Variants in OSTF1 observed in about 807,000 individuals in gnomAD.
OSTF1 encodes osteoclast stimulating factor 1, also known as osteoclast-stimulating factor 1.
A neutral mutation model predicts 37.2 loss-of-function variants in OSTF1; 27 were observed. The ratio of observed to expected loss-of-function variants is 0.73; its 90% CI spans 0.54 to 1.00. The LOEUF is 1.00. Among genes scored for constraint, OSTF1 ranks in the 50% least tolerant of loss-of-function variants. The pLI is 0.00. For missense variants in OSTF1, 232 were observed against 253.8 expected (o/e 0.91, Z 0.58); for synonymous variants, 82 against 89.2 (o/e 0.92, Z 0.46).
intron 8 of OSTF1, among the ~76,000 whole-genome samples, chr9:75,138,548 G>A (rs761596043): frequency 7.8e-4 from 119 of 152,076 alleles, no homozygotes; most frequent in Non-Finnish European, 4.6e-4. Flanking sequence ...GAAACAAAAA[G>A]TAAAACATCA....
intron 7 of OSTF1, among the ~76,000 whole-genome samples, chr9:75,137,279 C>T (rs1193038028): frequency 6.6e-6 from 1 of 152,160 alleles, no homozygotes. Context: ...CTGGATCTCC[C>T]TCCGCAGGCA....
At chr9:75,102,173 C>A (rs1036827001) in intron 1 of OSTF1, among the ~76,000 whole-genome samples, 1 of 152,138 alleles carries the variant, frequency 6.6e-6, no homozygotes, top group African/African-American at 2.4e-5. Flanking sequence ...TGGGGTCTCG[C>A]TCTGTTGCCC....
chr9:75,119,966 A>T (rs915275068), intron 2 of OSTF1, among the ~76,000 whole-genome samples: 10 of 109,460 alleles, frequency 9.1e-5, no homozygotes, highest in African/African-American at 3.4e-4. Context: ...CCGTCTTAAT[A>T]AAAAAAAAAA....
intron 1 of OSTF1, among the ~76,000 whole-genome samples, chr9:75,113,186 A>G (rs1455518092): frequency 6.6e-6 from 1 of 152,108 alleles, no homozygotes; most frequent in East Asian, 1.9e-4. Context: ...TAGAAGAATG[A>G]TTCCTCCTCC....
chr9:75,132,632 T>G lies in OSTF1; in HGVS notation c.251-662T>G, dbSNP rs946370058. On this transcript the variant is annotated intron_variant, in intron 5 of 9. Transcript: ENST00000346234. Reference sequence around the variant, plus strand: ...GAGTTTTTGTAAAGCCTCAATGAGCTCCATTTCATTCCATTTTTAGATTTT... The same window carrying G: ...GAGTTTTTGTAAAGCCTCAATGAGCGCCATTTCATTCCATTTTTAGATTTT... Among the ~76,000 whole-genome samples, 3 of 152,156 alleles carry G rather than the reference T, an allele frequency of 2.0e-5. No individual in the cohort carries two copies. In the East Asian group the frequency reaches 5.8e-4, roughly 29 times the overall value.
chr9:75,111,143 G>T (rs954574268), intron 1 of OSTF1, among the ~76,000 whole-genome samples: 1 of 152,142 alleles, frequency 6.6e-6, no homozygotes, highest in East Asian at 1.9e-4. Context: ...CCGCCTAAGT[G>T]CTGTTTCAGG....
chr9:75,113,169 AG>A (rs1409782876), intron 1 of OSTF1, among the ~76,000 whole-genome samples: 1 of 152,100 alleles, frequency 6.6e-6, no homozygotes, highest in Admixed American at 6.6e-5. Context: ...TTCTATATTA[AG>A]ATGTTTAGAA....
At chr9:75,122,950 A>G (rs537212151) in intron 2 of OSTF1, among the ~76,000 whole-genome samples, 4 of 152,226 alleles carry the variant, frequency 2.6e-5, no homozygotes, top group Non-Finnish European at 5.9e-5. Context: ...CATAAAATAT[A>G]TTTGCATAAA....
chr9:75,115,102 TATATC>T (rs1194633585), intron 1 of OSTF1, among the ~76,000 whole-genome samples: 2 of 152,220 alleles, frequency 1.3e-5, no homozygotes, highest in South Asian at 2.1e-4. Flanking sequence ...TCTATGGTGT[TATATC>T]ATAAAACATG....
chr9:75,095,533 C>A (rs1294414559), intron 1 of OSTF1, among the ~76,000 whole-genome samples: 4 of 152,124 alleles, frequency 2.6e-5, no homozygotes, highest in African/African-American at 9.7e-5. Context: ...GGGGAAAAGT[C>A]ATTTGATTCA....
In OSTF1 at chr9:75,146,806, G is replaced by A; in HGVS notation, c.*65G>A. On this transcript the variant is annotated 3_prime_UTR_variant, in exon 10 of 10. Transcript: ENST00000346234. The stretch of plus-strand genomic sequence containing the variant: ...TTTGCCATTCCAAAACTTTGTCTTT[G>A]CCAGAAAAGTGTTGGTAACTATAAA... The A allele has an allele frequency of 1.6e-6, 2 of 1,216,916 alleles. No homozygotes were observed. Among genetic ancestry groups the A allele is most frequent in the Non-Finnish European group, 2.4e-6 (2 of 837,894 alleles). 75.4% of individuals were successfully genotyped at this position (1,216,916 alleles called of 1,614,324 possible).
chr9:75,124,728 A>T (rs1825635127), intron 2 of OSTF1, among the ~76,000 whole-genome samples: 2 of 152,120 alleles, frequency 1.3e-5, no homozygotes, highest in African/African-American at 2.4e-5. Flanking sequence ...AAGACTCATT[A>T]CCATGCTTGT....
At chr9:75,104,630 C>T (rs1432297447) in intron 1 of OSTF1, among the ~76,000 whole-genome samples, 1 of 152,052 alleles carries the variant, frequency 6.6e-6, no homozygotes, top group Non-Finnish European at 1.5e-5. Flanking sequence ...GTGAGGATTT[C>T]GATAATACTC....
chr9:75,146,815 G>A lies in OSTF1; in HGVS notation c.*74G>A, dbSNP rs536373616. ...CCAAAACTTTGTCTTTGCCAGAAAA[G>A]TGTTGGTAACTATAAAGAAAATTAT... On this transcript the variant is annotated 3_prime_UTR_variant, in exon 10 of 10. Transcript: ENST00000346234. 3.6e-6 allele frequency: 4 copies of A among 1,106,104 alleles called. No homozygotes were observed. The highest frequency in any genetic ancestry group is 5.4e-6 in the Non-Finnish European group (4 of 739,388). 68.5% of individuals were successfully genotyped at this position (1,106,104 alleles called of 1,614,324 possible). A position where few individuals can be genotyped will look rare whatever the true frequency, so the allele number is the denominator to read the frequency against.
intron 2 of OSTF1, among the ~76,000 whole-genome samples, chr9:75,121,800 T>G (rs1437251834): frequency 6.6e-6 from 1 of 152,158 alleles, no homozygotes; most frequent in Non-Finnish European, 1.5e-5. Context: ...TGACCTGGCC[T>G]CCTCGAAATC....
chr9:75,140,539 T>C (rs768068802), intron 8 of OSTF1, among the ~76,000 whole-genome samples: 1 of 152,206 alleles, frequency 6.6e-6, no homozygotes, highest in African/African-American at 2.4e-5. Context: ...AAAGGGCTCA[T>C]TGAAGTCAAG....
chr9:75,127,721 G>A (rs1825683627), intron 3 of OSTF1, 102 bp downstream of exon 3: 10 of 623,604 alleles, frequency 1.6e-5, no homozygotes, highest in Non-Finnish European at 2.8e-5. Context: ...AAATACATAT[G>A]TACAAGTCTG....
chr9:75,106,747 A>T (rs1192938756), intron 1 of OSTF1, among the ~76,000 whole-genome samples: 1 of 151,002 alleles, frequency 6.6e-6, no homozygotes, highest in Non-Finnish European at 1.5e-5. Context: ...CAAGGTCAAG[A>T]GATCAAGACC....
At chr9:75,137,707 T>C (rs1007704201) in intron 8 of OSTF1, 91 bp downstream of exon 8, 1 of 794,750 alleles carries the variant, frequency 1.3e-6, no homozygotes, top group African/African-American at 1.7e-5. Flanking sequence ...GGAAGAATAA[T>C]AGTCTTATTT....
Sources: gnomAD v4.1 joint callset for allele counts (sites outside exome capture counted in the v4.1 genomes callset) on GRCh38, gnomAD v4.1.1 for gene constraint, MANE v1.5 for transcripts, NCBI Gene and HGNC (gene_info 2026-07-23, HGNC 2026-07-21) for gene names.